DNAH7: variants seen among roughly 807,000 people sequenced by gnomAD.
DNAH7 encodes the protein dynein axonemal heavy chain 7.
In DNAH7, 397 loss-of-function variants were observed where a neutral mutation model predicts 444.6. The observed-to-expected ratio is 0.89, with a 90% confidence interval of 0.82 to 0.97. The LOEUF is 0.97. Among genes scored for constraint, DNAH7 ranks in the 50% least tolerant of loss-of-function variants. The pLI, the probability that DNAH7 is intolerant of heterozygous loss-of-function variation, is 0.00. For missense variants in DNAH7, 4,902 were observed against 4,800.8 expected, an observed-to-expected ratio of 1.02 and a Z score of -0.62; for synonymous variants, 1,636 against 1,624.4, an observed-to-expected ratio of 1.01 and a Z score of -0.17.
intron 61 of DNAH7, among the ~76,000 whole-genome samples, chr2:195,768,427 G>A (rs1243653853): frequency 1.3e-5 from 2 of 151,488 alleles, no homozygotes; most frequent in Non-Finnish European, 2.9e-5. Context: ...ACTCTTAATT[G>A]ATGGGCATTT....
chr2:195,934,387 G>T (rs1688907026), intron 21 of DNAH7, among the ~76,000 whole-genome samples: 1 of 152,138 alleles, frequency 6.6e-6, no homozygotes, highest in Admixed American at 6.6e-5. Context: ...AGTATGGATG[G>T]TATTTTGTCC....
chr2:195,778,628 A>AT (rs1559089546), intron 58 of DNAH7, among the ~76,000 whole-genome samples: 4 of 47,182 alleles, frequency 8.5e-5, no homozygotes, highest in East Asian at 7.4e-4. Flanking sequence ...GAAAAAAAAA[A>AT]AAAATAAATA....
At chr2:195,806,468 T>G (rs1308721716) in intron 54 of DNAH7, among the ~76,000 whole-genome samples, 1 of 151,868 alleles carries the variant, frequency 6.6e-6, no homozygotes, top group African/African-American at 2.4e-5. Flanking sequence ...GTAAAGGGAG[T>G]AGATTGTGAG....
chr2:195,874,635 G>T (rs968677710), intron 38 of DNAH7, among the ~76,000 whole-genome samples: 1 of 150,950 alleles, frequency 6.6e-6, no homozygotes, highest in African/African-American at 2.4e-5. Context: ...ATAATAATAT[G>T]CCCCCAAGCC....
chr2:195,868,246 G>A (rs1003771687), intron 40 of DNAH7, among the ~76,000 whole-genome samples: 8 of 151,604 alleles, frequency 5.3e-5, no homozygotes, highest in South Asian at 2.1e-4. Flanking sequence ...ACAGGTGCCC[G>A]CCACCACACC....
intron 19 of DNAH7, among the ~76,000 whole-genome samples, chr2:195,948,222 T>G (rs755914292): frequency 6.6e-5 from 10 of 152,168 alleles, no homozygotes; most frequent in Admixed American, 1.3e-4. Flanking sequence ...TTGCAAAAAT[T>G]TTCTCCCATT....
chr2:195,809,526 A>G (rs1433065285), intron 52 of DNAH7, among the ~76,000 whole-genome samples: 1 of 152,194 alleles, frequency 6.6e-6, no homozygotes, highest in African/African-American at 2.4e-5. Flanking sequence ...TTTTAAAATA[A>G]AACATAATTT....
intron 9 of DNAH7, among the ~76,000 whole-genome samples, chr2:196,016,988 GCTT>G (rs1695061156): frequency 6.6e-6 from 1 of 152,014 alleles, no homozygotes; most frequent in Non-Finnish European, 1.5e-5. Context: ...GAGCGAGAGT[GCTT>G]TTTTATTATT....
intron 19 of DNAH7, 152 bp downstream of exon 19, chr2:195,957,109 C>T (rs1318809227): frequency 2.7e-5 from 17 of 634,338 alleles, no homozygotes; most frequent in Admixed American, 1.2e-4. Flanking sequence ...ATTTTCTGCT[C>T]CTGGCATTCT....
At position 195,817,691 on chromosome 2, in the gene DNAH7, A is replaced by G; in HGVS notation, c.9425+5T>C. The G allele has an allele frequency of 6.2e-7, 1 of 1,600,892 alleles. No individual in the cohort carries two copies. Among genetic ancestry groups the G allele is most frequent in the Non-Finnish European group, 8.5e-7 (1 of 1,176,620 alleles). The stretch of plus-strand genomic sequence containing the variant: ...AAGAATAGTTCTGTTTATGACATTT[A>G]AAACCTTTTATTTTCAGCTCCTTGT... On this transcript the variant is annotated splice_donor_5th_base_variant and intron_variant, in intron 50 of 64. Coordinates refer to ENST00000312428, the MANE Select transcript of DNAH7 (RefSeq NM_018897.3).
rs149634553 is a variant in DNAH7, at chr2:195,781,228, G to T, written c.10879-3243C>A. Among the ~76,000 whole-genome samples the T allele has an allele frequency of 9.0e-3, 1,364 of 152,284 alleles. 16 individuals are homozygous for T. Among genetic ancestry groups the T allele is most frequent in the African/African-American group, 0.031 (1,274 of 41,562 alleles). ...TAAAAATGAAGTACAATAAGAAAAT[G>T]AAATATAATAAGAAAACTCAATGCA... On this transcript the variant is annotated intron_variant, in intron 58 of 64. Coordinates refer to ENST00000312428, the MANE Select transcript of DNAH7 (RefSeq NM_018897.3).
chr2:196,040,531 T>A (rs1051004360), intron 5 of DNAH7, among the ~76,000 whole-genome samples: 1 of 152,100 alleles, frequency 6.6e-6, no homozygotes, highest in Non-Finnish European at 1.5e-5. Flanking sequence ...CATGCCTTTG[T>A]GAAAAAACTC....
At chr2:195,921,995 A>C (rs1294097034) in intron 24 of DNAH7, 93 bp downstream of exon 24, 1 of 721,522 alleles carries the variant, frequency 1.4e-6, no homozygotes, top group African/African-American at 1.8e-5. Flanking sequence ...CTAAATTAAC[A>C]GTATGAGAGA....
At chr2:195,922,039 G>T in intron 24 of DNAH7, 49 bp downstream of exon 24, 1 of 1,049,108 alleles carries the variant, frequency 9.5e-7, no homozygotes, top group Non-Finnish European at 1.5e-6. Flanking sequence ...CAGTGGTACA[G>T]GGGTGAGTGA....
chr2:195,772,036 G>A, intron 60 of DNAH7, 146 bp from the exon 61 acceptor site: 1 of 710,494 alleles, frequency 1.4e-6, no homozygotes, highest in Non-Finnish European at 2.4e-6. Flanking sequence ...ATTTATTAAA[G>A]TGATGGTAAC....
intron 41 of DNAH7, among the ~76,000 whole-genome samples, chr2:195,862,880 A>G (rs2125085885): frequency 6.6e-6 from 1 of 152,322 alleles, no homozygotes; most frequent in Admixed American, 6.5e-5. Context: ...TACTAAAAAT[A>G]CAAAAATTAG....
chr2:196,042,717 G>A (rs1022157018), intron 5 of DNAH7, among the ~76,000 whole-genome samples: 13 of 152,058 alleles, frequency 8.5e-5, no homozygotes, highest in African/African-American at 3.1e-4. Context: ...GTAAGGTGGA[G>A]AAACTAGAAA....
At chr2:196,023,613 T>C (rs1015618869) in intron 8 of DNAH7, among the ~76,000 whole-genome samples, 6 of 152,330 alleles carry the variant, frequency 3.9e-5, no homozygotes, top group African/African-American at 9.6e-5. Context: ...GGAAATGTCA[T>C]GGCTGGTTTG....
intron 31 of DNAH7, among the ~76,000 whole-genome samples, chr2:195,889,245 GCTTC>G (rs1254092651): frequency 6.6e-6 from 1 of 151,288 alleles, no homozygotes; most frequent in Non-Finnish European, 1.5e-5. Flanking sequence ...TTTCTCTCTT[GCTTC>G]CTTCCTTCCT....
Sources: gnomAD v4.1 joint callset for allele counts (sites outside exome capture counted in the v4.1 genomes callset) on GRCh38, gnomAD v4.1.1 for gene constraint, MANE v1.5 for transcripts, NCBI Gene and HGNC (gene_info 2026-07-23, HGNC 2026-07-21) for gene names.